Variants in INTS9 observed in about 807,000 individuals in gnomAD.
The protein encoded by INTS9 is integrator complex subunit 9.
Under a neutral mutation model 79.7 loss-of-function variants are expected in INTS9, and 55 were observed. The ratio of observed to expected loss-of-function variants is 0.69; its 90% CI spans 0.56 to 0.86. The LOEUF is 0.86. Ranked by LOEUF, INTS9 falls within the 40% of genes least tolerant of loss-of-function variation. The probability of loss-of-function intolerance (pLI) is 0.00; values close to 1 mark genes in which losing one functional copy is unlikely to be tolerated. For missense variants in INTS9, 721 were observed against 831.5 expected (o/e 0.87, Z 1.64); for synonymous variants, 319 against 325.2 (o/e 0.98, Z 0.20).
chr8:28,825,905 T>C (rs1455101598), intron 6 of INTS9, among the ~76,000 whole-genome samples: 3 of 152,226 alleles, frequency 2.0e-5, no homozygotes, highest in East Asian at 1.9e-4. Context: ...TATTTCAGCC[T>C]GAATCTTTCC....
At chr8:28,881,097 C>G (rs1270765195) in intron 1 of INTS9, among the ~76,000 whole-genome samples, 4 of 150,480 alleles carry the variant, frequency 2.7e-5, no homozygotes, top group Admixed American at 1.3e-4. Context: ...CGTCTCCGCC[C>G]GGCAGCCACC....
intron 16 of INTS9, chr8:28,769,591 C>G (rs1802408575): frequency 7.6e-6 from 2 of 261,920 alleles, no homozygotes. Context: ...CCGGGTCCCT[C>G]TTTGTCCTGG....
intron 1 of INTS9, 44 bp from the exon 2 acceptor site, chr8:28,859,607 G>T (rs1187370863): frequency 3.8e-6 from 6 of 1,599,058 alleles, no homozygotes; most frequent in Non-Finnish European, 4.3e-6. Flanking sequence ...AATTACAGAA[G>T]AATCCTACAA....
At chr8:28,772,790 C>T (rs957790281) in intron 14 of INTS9, among the ~76,000 whole-genome samples, 2 of 151,014 alleles carry the variant, frequency 1.3e-5, no homozygotes, top group African/African-American at 4.9e-5. Flanking sequence ...CTGGGCAACA[C>T]AGCGAGACTC....
chr8:28,772,253 G>T (rs117658811), intron 14 of INTS9, among the ~76,000 whole-genome samples: 3 of 152,174 alleles, frequency 2.0e-5, no homozygotes, highest in Admixed American at 1.3e-4. Context: ...GGCTGGGTGC[G>T]GTGGCTCACG....
chr8:28,859,459 G>C lies in INTS9; in HGVS notation c.114C>G (p.Phe38Leu), dbSNP rs139429194. 175 of 1,614,042 alleles carry C rather than the reference G, an allele frequency of 1.1e-4. No homozygotes were observed. The highest frequency in any genetic ancestry group is 1.4e-4 in the Non-Finnish European group (165 of 1,180,004). Residue 38 changes from phenylalanine (F) to leucine (L), a missense_variant, in exon 2 of 17, where the codon TTC (phenylalanine) becomes TTG (leucine). Phe to Leu is a conservative substitution (Grantham distance 22). Around this residue, in one of 3 missense-constraint regions of INTS9, gnomAD observed 291 missense variants for 307.0 expected, o/e 0.95. Transcript: ENST00000521022. ...ACCTTTGAACAAGTGGCAAAGGAAG[G>C]AAATTGAGGGTAGAAGTCATGTCCA... is the stretch of plus-strand genomic sequence containing the variant. ...CGLDMTSTLN[F>L]LPLPLVQSPR... is the part of the protein sequence containing the mutation.
At chr8:28,799,833 C>T (rs1226674974) in intron 8 of INTS9, among the ~76,000 whole-genome samples, 3 of 152,210 alleles carry the variant, frequency 2.0e-5, no homozygotes, top group Non-Finnish European at 4.4e-5. Flanking sequence ...CCAACTCGGG[C>T]CTCACTCAGC....
chr8:28,871,416 T>C (rs556643284), intron 1 of INTS9, among the ~76,000 whole-genome samples: 2 of 152,318 alleles, frequency 1.3e-5, no homozygotes, highest in African/African-American at 2.4e-5. Context: ...GAGATAACTT[T>C]TTTTTTGAGA....
chr8:28,886,693 A>T (rs1026074344), intron 1 of INTS9, among the ~76,000 whole-genome samples: 1 of 152,160 alleles, frequency 6.6e-6, no homozygotes, highest in Non-Finnish European at 1.5e-5. Flanking sequence ...CCCTCACTAA[A>T]TAACAGGGAA....
chr8:28,796,357 G>A (rs1159661560), intron 9 of INTS9, among the ~76,000 whole-genome samples, 187 bp downstream of exon 9: 1 of 152,122 alleles, frequency 6.6e-6, no homozygotes, highest in Non-Finnish European at 1.5e-5. Context: ...TCACTGTATC[G>A]CTGCTGTGAG....
chr8:28,841,856 T>C (rs551157656), intron 4 of INTS9, among the ~76,000 whole-genome samples: 1 of 151,968 alleles, frequency 6.6e-6, no homozygotes, highest in African/African-American at 2.4e-5. Context: ...GGGGCTGAGG[T>C]GGGAGGACTG....
chr8:28,880,587 G>T (rs948699933), intron 1 of INTS9, among the ~76,000 whole-genome samples: 12 of 151,562 alleles, frequency 7.9e-5, no homozygotes, highest in African/African-American at 2.9e-4. Context: ...CTGGAGTGCA[G>T]CGGCGTGATC....
At chr8:28,864,244 G>GT (rs1159387062) in intron 1 of INTS9, among the ~76,000 whole-genome samples, 1 of 152,222 alleles carries the variant, frequency 6.6e-6, no homozygotes, top group African/African-American at 2.4e-5. Flanking sequence ...AATTGGAGTA[G>GT]TATCTTTGGG....
At chr8:28,883,561 T>C (rs1387289791) in intron 1 of INTS9, among the ~76,000 whole-genome samples, 1 of 152,168 alleles carries the variant, frequency 6.6e-6, no homozygotes, top group Non-Finnish European at 1.5e-5. Context: ...CTGTTAAAAT[T>C]TTCAGAAAGC....
chr8:28,834,054 C>T (rs1029895258), intron 6 of INTS9, among the ~76,000 whole-genome samples: 5 of 152,202 alleles, frequency 3.3e-5, no homozygotes, highest in South Asian at 4.1e-4. Flanking sequence ...TTTTCTGAAA[C>T]TTCCTTGTCC....
intron 1 of INTS9, among the ~76,000 whole-genome samples, chr8:28,861,886 T>C (rs747651689): frequency 6.6e-5 from 10 of 152,196 alleles, no homozygotes; most frequent in Admixed American, 6.5e-4. Context: ...TGACGAAAGG[T>C]GCCAGGCACC....
intron 14 of INTS9, among the ~76,000 whole-genome samples, chr8:28,775,303 T>C (rs1011307630): frequency 5.3e-5 from 8 of 151,944 alleles, no homozygotes; most frequent in African/African-American, 1.7e-4. Flanking sequence ...GCCCTGAAAA[T>C]CCCCCCTCTT....
In INTS9 at chr8:28,813,560, A is replaced by G. The variant is rs1267889892; in HGVS notation, c.541T>C (p.Cys181Arg). The change falls in exon 7 of 17, where the codon TGC (cysteine) becomes CGC (arginine). Residue 181 changes from cysteine (C) to arginine (R), a missense_variant. Cys to Arg is a radical substitution (Grantham distance 180). This residue lies in a region of INTS9 where 291 missense variants were observed against 307.0 expected (regional missense o/e 0.95). Transcript: ENST00000521022. ...GAGTTCACCTCTTGCATTGTATAGC[A>G]TCTTCTCCAGGTTGAGACTTCCACT... ...DAVEVSTWRRCYTMQEVNSAL... is the reference protein window; with the variant it reads ...DAVEVSTWRRRYTMQEVNSAL... The G allele has an allele frequency of 3.7e-6, 6 of 1,613,660 alleles. No individual in the cohort carries two copies. Among genetic ancestry groups the G allele is most frequent in the Non-Finnish European group, 4.2e-6 (5 of 1,179,694 alleles).
At chr8:28,852,498 A>G (rs1034828496) in intron 2 of INTS9, among the ~76,000 whole-genome samples, 2 of 152,236 alleles carry the variant, frequency 1.3e-5, no homozygotes, top group South Asian at 4.1e-4. Flanking sequence ...GAAAGCAAGC[A>G]TTCCAATAAA....
Sources: allele counts gnomAD v4.1 joint callset (sites outside exome capture counted in the v4.1 genomes callset), GRCh38; gene constraint gnomAD v4.1.1; regional missense constraint gnomAD v4.1.1; transcripts MANE v1.5; gene names NCBI Gene and HGNC (gene_info 2026-07-23, HGNC 2026-07-21).